EPN3: variants seen among roughly 807,000 people sequenced by gnomAD.
EPN3 encodes the protein epsin-3.
In EPN3, 56 loss-of-function variants were observed where a neutral mutation model predicts 55.5. The observed-to-expected ratio is 1.01, with a 90% CI of 0.81 to 1.26. The LOEUF is 1.26. Among genes scored for constraint, EPN3 ranks in the 50% most tolerant of loss-of-function variants. EPN3 has a pLI of 0.00. For synonymous variants in EPN3, 449 were observed against 375.2 expected (o/e 1.20, Z -2.27); for missense variants, 927 against 853.4 (o/e 1.09, Z -1.07).
chr17:50,534,047 C>A (rs1324923370), intron 1 of EPN3, among the ~76,000 whole-genome samples: 1 of 151,842 alleles, frequency 6.6e-6, no homozygotes, highest in Admixed American at 6.6e-5. Flanking sequence ...GCTGCTCCCT[C>A]CCGCGTTCCC....
In EPN3 at chr17:50,536,137, G is replaced by A. The variant is rs112754908; in HGVS notation, c.-136-284G>A. Reference sequence around the variant, plus strand: ...CTCCTGAAGTCCTGGAATTACAGGCGTGAGCCACTGCACCGGGCCCATTTA... The same window carrying A: ...CTCCTGAAGTCCTGGAATTACAGGCATGAGCCACTGCACCGGGCCCATTTA... On this transcript the variant is annotated intron_variant, in intron 1 of 9. Coordinates refer to ENST00000268933, the MANE Select transcript of EPN3 (RefSeq NM_017957.3). The A allele has an allele frequency of 8.1e-3, 1,608 of 198,278 alleles. 34 individuals carry two copies. Among genetic ancestry groups the A allele is most frequent in the African/African-American group, 0.035 (1,496 of 42,732 alleles). The allele number at this position is 198,278 out of a possible 1,614,324, so 12.3% of individuals were successfully genotyped here. A position where few individuals can be genotyped will look rare whatever the true frequency, so the allele number is the denominator to read the frequency against.
intron 6 of EPN3, 45 bp downstream of exon 6, chr17:50,540,379 C>A: frequency 1.3e-6 from 2 of 1,545,372 alleles, no homozygotes; most frequent in African/African-American, 1.4e-5. Context: ...GGCCCAAGAG[C>A]CTCCTCCTTC....
Position 50,532,916 on chromosome 17 carries a change from T to C in EPN3, c.-206T>C. On this transcript the variant is annotated 5_prime_UTR_variant, in exon 1 of 10. Coordinates refer to ENST00000268933, the MANE Select transcript of EPN3 (RefSeq NM_017957.3). ...TCCCGAGGCTGTGCCGTCCCGCTGCTGCACAGGTCGGAGGGTCACCGCAGA... is the reference window on the plus strand; with the variant it reads ...TCCCGAGGCTGTGCCGTCCCGCTGCCGCACAGGTCGGAGGGTCACCGCAGA... The C allele has an allele frequency of 7.8e-7, 1 of 1,285,698 alleles. No homozygotes were observed. Among genetic ancestry groups the C allele is most frequent in the Non-Finnish European group, 1.0e-6 (1 of 987,434 alleles). The allele number at this position is 1,285,698 out of a possible 1,614,324, so 79.6% of individuals were successfully genotyped here.
rs1193114820 is a variant in EPN3 at position 50,541,953 on chromosome 17, T to C, written c.1695T>C (p.Pro565=). The change falls in exon 10 of 10, where the codon CCT becomes CCC. Residue 565 remains proline (P), a synonymous_variant. Coordinates refer to ENST00000268933, the MANE Select transcript of EPN3 (RefSeq NM_017957.3). ...GSPALGLAGG[P]VGAPLGSMTY... The stretch of plus-strand genomic sequence containing the variant: ...CGGCGCTGGGCCTGGCAGGCGGGCC[T>C]GTGGGGGCGCCCCTGGGCTCCATGA... 2 of 1,596,130 alleles carry C rather than the reference T, an allele frequency of 1.3e-6. No homozygotes were observed. Among genetic ancestry groups the C allele is most frequent in the East Asian group, 2.2e-5 (1 of 44,622 alleles).
In EPN3 at chr17:50,532,786, T is replaced by TA. The variant is rs1319893548; in HGVS notation, c.-335dup. The TA allele has an allele frequency of 1.2e-6, 1 of 848,926 alleles. No homozygotes were observed. Among genetic ancestry groups the TA allele is most frequent in the Middle Eastern group, 4.6e-4 (1 of 2,164 alleles). The allele number at this position is 848,926 out of a possible 1,614,324, so 52.6% of individuals were successfully genotyped here. A position where few individuals can be genotyped will look rare whatever the true frequency, so the allele number is the denominator to read the frequency against. Reference sequence around the variant, plus strand: ...GGCAAACGCACGCGGGAAGAGCTGCTACCCATTCCAGGGACCCTGCCGCTG... The same window carrying TA: ...GGCAAACGCACGCGGGAAGAGCTGCTAACCCATTCCAGGGACCCTGCCGCTG... On this transcript the variant is annotated 5_prime_UTR_variant, in exon 1 of 10. Coordinates refer to ENST00000268933, the MANE Select transcript of EPN3 (RefSeq NM_017957.3).
Position 50,541,865 on chromosome 17 carries a change from C to A in EPN3, c.1607C>A (p.Thr536Asn), listed in dbSNP as rs142730328. 741 of 1,609,486 alleles carry A rather than the reference C, an allele frequency of 4.6e-4. 6 individuals carry two copies. The African/African-American group carries it at 8.6e-3, about 19-fold the overall frequency. ...FLTGLSAPSPTNPFGAGEPGR... is the reference protein window; with the variant it reads ...FLTGLSAPSPNNPFGAGEPGR... Reference sequence around the variant, plus strand: ...GCAGGTCTCAGCGCTCCGTCCCCCACCAACCCGTTCGGCGCGGGCGAGCCG... The same window carrying A: ...GCAGGTCTCAGCGCTCCGTCCCCCAACAACCCGTTCGGCGCGGGCGAGCCG... Residue 536 changes from threonine to asparagine, a missense_variant, in exon 10 of 10, where the codon ACC (threonine) becomes AAC (asparagine). By Grantham distance (65) the Thr-to-Asn change is moderately conservative (BLOSUM62 0). Transcript: ENST00000268933.
chr17:50,534,789 G>A, intron 1 of EPN3: 1 of 408,004 alleles, frequency 2.5e-6, no homozygotes, highest in Non-Finnish European at 3.3e-6. Context: ...GCACTGGCGG[G>A]GCTGGGGTGG....
Position 50,536,910 on chromosome 17 carries a change from C to T in EPN3, c.354C>T (p.Asp118=). The T allele has an allele frequency of 6.2e-7, 1 of 1,614,116 alleles. No individual in the cohort carries two copies. ...AGTACATCGACCGCGACGGCAAGGACCAGGGCGTCAACGTGCGCGAGAAGG... is the reference window on the plus strand; with the variant it reads ...AGTACATCGACCGCGACGGCAAGGATCAGGGCGTCAACGTGCGCGAGAAGG... The part of the protein sequence containing the change: ...DFQYIDRDGK[D]QGVNVREKVK... The change falls in exon 2 of 10, where the codon GAC becomes GAT. Residue 118 remains aspartate (D), a synonymous_variant. Transcript: ENST00000268933.
At position 50,540,577 on chromosome 17, in the gene EPN3, C is replaced by T. The variant is rs187089989; in HGVS notation, c.980-216C>T. 1.7e-4 allele frequency among the ~76,000 whole-genome samples: 26 copies of T among 152,334 alleles called. No homozygotes were observed. The East Asian group carries it at 4.6e-3, about 27-fold the overall frequency. On this transcript the variant is annotated intron_variant, in intron 6 of 9. Transcript: ENST00000268933. ...TCTCGCTGCACTCACTTGCTCAGCA[C>T]GCCTGGGAAGGTGGCCTGAGTCGCC...
At chr17:50,534,452 G>C (rs1352569961) in intron 1 of EPN3, 1 of 985,430 alleles carries the variant, frequency 1.0e-6, no homozygotes, top group East Asian at 1.1e-4. Context: ...CCAGCGGCCA[G>C]CCGGTAGGGG....
chr17:50,540,962 C>G lies in EPN3; in HGVS notation c.1149C>G (p.Pro383=). The G allele has an allele frequency of 6.2e-7, 1 of 1,613,170 alleles. No homozygotes were observed. Among genetic ancestry groups the G allele is most frequent in the South Asian group, 1.1e-5 (1 of 91,014 alleles). The change falls in exon 7 of 10, where the codon CCC becomes CCG. Residue 383 remains proline (P), a synonymous_variant. Transcript: ENST00000268933. ...GGACCCCAGTGCTGCCTGCTGGGCC[C>G]CCCACCACAGACCCCTGGGCCCTGA... is the stretch of plus-strand genomic sequence containing the variant. ...WGRTPVLPAG[P]PTTDPWALNS... is the part of the protein sequence containing the mutation.
intron 5 of EPN3, 41 bp from the exon 6 acceptor site, chr17:50,540,206 C>T: frequency 6.4e-7 from 1 of 1,566,232 alleles, no homozygotes. Context: ...CCCTCCAGGC[C>T]CCGCCCACTT....
In EPN3 at chr17:50,541,535, C is replaced by T. The variant is rs1375373120; in HGVS notation, c.1426C>T (p.Leu476=). The T allele has an allele frequency of 6.2e-7, 1 of 1,614,076 alleles. No individual in the cohort carries two copies. The highest frequency in any genetic ancestry group is 8.5e-7 in the Non-Finnish European group (1 of 1,180,046). ...CACGAAGGAGCCAGATGCCCTGGAC[C>T]TGGGCATACTAGGGGAAGCACTAAC... is the stretch of plus-strand genomic sequence containing the variant. ...NGTKEPDALD[L]GILGEALTQP... The change falls in exon 9 of 10, where the codon CTG becomes TTG. Residue 476 remains leucine (L), a synonymous_variant. Coordinates refer to ENST00000268933, the MANE Select transcript of EPN3 (RefSeq NM_017957.3).
chr17:50,539,390 A>G, intron 5 of EPN3, 75 bp downstream of exon 5: 1 of 1,598,254 alleles, frequency 6.3e-7, no homozygotes, highest in Non-Finnish European at 8.5e-7. Context: ...GAGAGAGCAG[A>G]GCAGTGCCTG....
chr17:50,537,886 G>A, intron 2 of EPN3, 193 bp from the exon 3 acceptor site: 1 of 568,208 alleles, frequency 1.8e-6, no homozygotes, highest in Non-Finnish European at 3.1e-6. Flanking sequence ...AGGGACTGGA[G>A]CCGCCCCTCC....
In EPN3 at chr17:50,539,225, C is replaced by A. The variant is rs940723465; in HGVS notation, c.801C>A (p.Ala267=). 11 of 1,614,124 alleles carry A rather than the reference C, an allele frequency of 6.8e-6. No individual in the cohort carries two copies. The highest frequency in any genetic ancestry group is 9.3e-6 in the Non-Finnish European group (11 of 1,180,012). ...GGCAGGGTGATGGCTCCCCCATGGC[C>A]AATGGTGCAGGGGCCGTGGTCCACC... ...RSWQGDGSPM[A]NGAGAVVHHQ... is the part of the protein sequence containing the mutation. The change falls in exon 5 of 10, where the codon GCC becomes GCA. Residue 267 remains alanine, a synonymous_variant. Coordinates refer to ENST00000268933, the MANE Select transcript of EPN3 (RefSeq NM_017957.3).
chr17:50,542,722 A>G lies in EPN3; in HGVS notation c.*565A>G, dbSNP rs1302818881. 2 of 152,484 alleles carry G rather than the reference A, an allele frequency of 1.3e-5. No individual in the cohort carries two copies. Among genetic ancestry groups the G allele is most frequent in the East Asian group, 3.8e-4 (2 of 5,198 alleles). The allele number at this position is 152,484 out of a possible 1,614,324, so 9.4% of individuals were successfully genotyped here. A position where few individuals can be genotyped will look rare whatever the true frequency, so the allele number is the denominator to read the frequency against. On this transcript the variant is annotated 3_prime_UTR_variant, in exon 10 of 10. Coordinates refer to ENST00000268933, the MANE Select transcript of EPN3 (RefSeq NM_017957.3). ...GCAACGACTCTCTGAGGTAGAAAATATTGTTAATTCCGTTCAGGATCCCGG... is the reference window on the plus strand; with the variant it reads ...GCAACGACTCTCTGAGGTAGAAAATGTTGTTAATTCCGTTCAGGATCCCGG...
At position 50,542,226 on chromosome 17, in the gene EPN3, G is replaced by T. The variant is rs1433502895; in HGVS notation, c.*69G>T. On this transcript the variant is annotated 3_prime_UTR_variant, in exon 10 of 10. Transcript: ENST00000268933. ...CCGCGGCCCCGCCTCCGGACCCGGG[G>T]CTGGGCGGGGCGCCGGTGCTAGTGG... 1 of 1,390,184 alleles carries T rather than the reference G, an allele frequency of 7.2e-7. No homozygotes were observed. Among genetic ancestry groups the T allele is most frequent in the Non-Finnish European group, 9.3e-7 (1 of 1,080,460 alleles). 86.1% of individuals were successfully genotyped at this position (1,390,184 alleles called of 1,614,324 possible). A position where few individuals can be genotyped will look rare whatever the true frequency, so the allele number is the denominator to read the frequency against.
In EPN3 at chr17:50,541,289, G is replaced by A. The variant is rs1394189357; in HGVS notation, c.1310G>A (p.Gly437Glu). Residue 437 changes from glycine (G) to glutamate (E), a missense_variant, in exon 8 of 10, where the codon GGG becomes GAG. Physicochemically the swap from Gly to Glu is moderately conservative, Grantham distance 98. Coordinates refer to ENST00000268933, the MANE Select transcript of EPN3 (RefSeq NM_017957.3). ...CCAGAATCCACAGAGACCAAGGAGGGGCTGGAGCAGGCCCTGCCCTCTGGG... is the reference window on the plus strand; with the variant it reads ...CCAGAATCCACAGAGACCAAGGAGGAGCTGGAGCAGGCCCTGCCCTCTGGG... ...KPPESTETKE[G>E]LEQALPSGKP... 6.2e-7 allele frequency: 1 copy of A among 1,613,176 alleles called. No homozygotes were observed. The highest frequency in any genetic ancestry group is 1.3e-5 in the African/African-American group (1 of 74,906).
Sources: allele counts gnomAD v4.1 joint callset (sites outside exome capture counted in the v4.1 genomes callset), GRCh38; gene constraint gnomAD v4.1.1; transcripts MANE v1.5; gene names NCBI Gene and HGNC (gene_info 2026-07-23, HGNC 2026-07-21).